The following SASH1 variants were observed in gnomAD, a reference collection of about 807,000 sequenced individuals.
SASH1 encodes SAM and SH3 domain-containing protein 1.
Under a neutral mutation model 125.2 loss-of-function variants are expected in SASH1, and 44 were observed. The ratio of observed to expected loss-of-function variants is 0.35; its 90% CI spans 0.28 to 0.45. The LOEUF (loss-of-function observed/expected upper bound fraction) is 0.45, where lower values mean the gene tolerates loss of function less well. Among genes scored for constraint, SASH1 ranks in the 20% least tolerant of loss-of-function variants. The probability of loss-of-function intolerance (pLI) is 1.00; values close to 1 mark genes in which losing one functional copy is unlikely to be tolerated. For synonymous variants in SASH1, 639 were observed against 649.1 expected, an observed-to-expected ratio of 0.98 and a Z score of 0.24; for missense variants, 1,426 against 1,614.5, an observed-to-expected ratio of 0.88 and a Z score of 2.00.
At chr6:148,537,330 A>C (rs1466718954) in intron 16 of SASH1, among the ~76,000 whole-genome samples, 3 of 152,342 alleles carry the variant, frequency 2.0e-5, no homozygotes, top group African/African-American at 7.2e-5. Context: ...AAAAGACTCT[A>C]ATTGTCAGAT....
At chr6:148,337,079 G>C (rs1781180580) in intron 1 of SASH1, among the ~76,000 whole-genome samples, 2 of 152,010 alleles carry the variant, frequency 1.3e-5, no homozygotes, top group South Asian at 4.2e-4. Flanking sequence ...GTTTTGTTTG[G>C]GACAGAGTCT....
At chr6:148,367,426 C>A (rs1263260582) in intron 1 of SASH1, among the ~76,000 whole-genome samples, 1 of 152,138 alleles carries the variant, frequency 6.6e-6, no homozygotes, top group Non-Finnish European at 1.5e-5. Context: ...TGCATGGCTG[C>A]CAAAGAATTG....
intron 9 of SASH1, among the ~76,000 whole-genome samples, chr6:148,517,139 T>C (rs896672012): frequency 1.3e-5 from 2 of 152,172 alleles, no homozygotes; most frequent in Admixed American, 6.5e-5. Context: ...AACTCTTTTA[T>C]GAGGATAATG....
intron 16 of SASH1, among the ~76,000 whole-genome samples, chr6:148,538,519 A>G (rs1317062843): frequency 1.3e-5 from 2 of 152,232 alleles, no homozygotes; most frequent in African/African-American, 4.8e-5. Flanking sequence ...TCAGGGGGAC[A>G]GTATTTGCTC....
At chr6:148,212,789 T>C in the SASH1 span, among the ~76,000 whole-genome samples, 1 of 152,180 alleles carries the variant, frequency 6.6e-6, no homozygotes, top group Non-Finnish European at 1.5e-5. Context: ...AAGGTTTGTT[T>C]CCCTCATTTT....
upstream of SASH1, among the ~76,000 whole-genome samples, chr6:148,270,697 A>G (rs75680759): frequency 0.036 from 5,432 of 152,270 alleles, 227 homozygotes; most frequent in Admixed American, 0.096. Context: ...AAAAACAAAA[A>G]GGCTCTTACC....
chr6:148,361,950 G>C (rs537434186), intron 1 of SASH1, among the ~76,000 whole-genome samples: 165 of 123,448 alleles, frequency 1.3e-3, no homozygotes, highest in Admixed American at 2.9e-3. Flanking sequence ...GTCTCACTCT[G>C]TCGCCCAGGC....
chr6:148,244,969 A>T, the SASH1 span, among the ~76,000 whole-genome samples: 7 of 150,856 alleles, frequency 4.6e-5, no homozygotes, highest in Middle Eastern at 3.2e-3. Flanking sequence ...TGAGAGAGAG[A>T]GAGAGAGAGA....
At chr6:148,332,268 T>C (rs1781016551) in intron 1 of SASH1, among the ~76,000 whole-genome samples, 1 of 152,186 alleles carries the variant, frequency 6.6e-6, no homozygotes, top group Non-Finnish European at 1.5e-5. Context: ...TTGAAGTCAG[T>C]TCCCCCAAGG....
rs777716601 is a variant in SASH1, at chr6:148,518,529, A to C, written c.863-1018A>C. Among the ~76,000 whole-genome samples the C allele has an allele frequency of 1.1e-4, 16 of 152,074 alleles. 1 individual carries two copies. The highest frequency in any genetic ancestry group is 1.6e-4 in the Non-Finnish European group (11 of 67,996). On this transcript the variant is annotated intron_variant, in intron 9 of 19. Coordinates refer to ENST00000367467, the MANE Select transcript of SASH1 (RefSeq NM_015278.5). ...AGCTCCCCTTTTTCTCTGACATTTA[A>C]CCACACACTGGCGCCCTCGTCCCAG... is the stretch of plus-strand genomic sequence containing the variant.
chr6:148,440,133 G>C, intron 2 of SASH1, 51 bp from the exon 3 acceptor site: 9 of 1,556,746 alleles, frequency 5.8e-6, no homozygotes, highest in Non-Finnish European at 8.0e-6. Flanking sequence ...TGTCTTTCTC[G>C]CGTGTGACAT....
chr6:148,364,485 A>G (rs1006022711), intron 1 of SASH1, among the ~76,000 whole-genome samples: 1 of 152,336 alleles, frequency 6.6e-6, no homozygotes, highest in East Asian at 1.9e-4. Context: ...GGATTACAAA[A>G]GCAAGAGTGT....
intron 13 of SASH1, 104 bp downstream of exon 13, chr6:148,531,765 G>C: frequency 1.1e-6 from 1 of 932,862 alleles, no homozygotes; most frequent in African/African-American, 1.7e-5. Context: ...ACCAAGTCCT[G>C]CCCTTCAGGT....
At chr6:148,352,802 C>T (rs1781783121) in intron 1 of SASH1, among the ~76,000 whole-genome samples, 1 of 151,726 alleles carries the variant, frequency 6.6e-6, no homozygotes, top group South Asian at 2.1e-4. Context: ...AACCCCACCT[C>T]CACTAAAAAT....
intron 4 of SASH1, among the ~76,000 whole-genome samples, chr6:148,463,333 TG>T (rs1777702371): frequency 6.6e-6 from 1 of 152,092 alleles, no homozygotes; most frequent in Admixed American, 6.5e-5. Flanking sequence ...TTAGTAGACA[TG>T]GGGTTTCACC....
chr6:148,248,858 C>G, the SASH1 span, among the ~76,000 whole-genome samples: 1 of 152,190 alleles, frequency 6.6e-6, no homozygotes, highest in Admixed American at 6.5e-5. Flanking sequence ...CTTCTTCTGA[C>G]AATCAGTGAG....
At chr6:148,476,619 G>T (rs184903556) in intron 7 of SASH1, among the ~76,000 whole-genome samples, 1 of 152,124 alleles carries the variant, frequency 6.6e-6, no homozygotes, top group Non-Finnish European at 1.5e-5. Context: ...GGCGGAGGTC[G>T]CAGTAAGCCA....
At chr6:148,440,721 A>G (rs1408308135) in intron 4 of SASH1, 2 of 316,012 alleles carry the variant, frequency 6.3e-6, no homozygotes, top group Non-Finnish European at 5.8e-6. Flanking sequence ...CATCTTTTAC[A>G]TTAATTTTTA....
chr6:148,295,195 C>A (rs1779735988), intron 1 of SASH1, among the ~76,000 whole-genome samples: 1 of 152,032 alleles, frequency 6.6e-6, no homozygotes, highest in African/African-American at 2.4e-5. Flanking sequence ...TCCTAGCTAC[C>A]CACTTTTAGG....
Sources: allele counts gnomAD v4.1 joint callset (sites outside exome capture counted in the v4.1 genomes callset), GRCh38; gene constraint gnomAD v4.1.1; transcripts MANE v1.5; gene names NCBI Gene and HGNC (gene_info 2026-07-23, HGNC 2026-07-21).